KIDINS220: variants seen among roughly 807,000 people sequenced by gnomAD.
KIDINS220 encodes the protein kinase D-interacting substrate of 220 kDa.
KIDINS220 carries 63 observed loss-of-function variants against 157.6 expected under a neutral mutation model. That is an observed-to-expected ratio of 0.40 (90% confidence interval 0.33 to 0.49). The LOEUF (loss-of-function observed/expected upper bound fraction) is 0.49, where lower values mean the gene tolerates loss of function less well. Ranked by LOEUF, KIDINS220 falls within the 20% of genes least tolerant of loss-of-function variation. The pLI is 0.66. For synonymous variants in KIDINS220, 732 were observed against 783.6 expected (o/e 0.93, Z 1.10); for missense variants, 1,772 against 2,171.2 (o/e 0.82, Z 3.65).
In KIDINS220 at chr2:8,750,096, C is replaced by G; in HGVS notation, c.3414+16G>C. 1.3e-6 allele frequency: 2 copies of G among 1,599,876 alleles called. No homozygotes were observed. The highest frequency in any genetic ancestry group is 1.7e-6 in the Non-Finnish European group (2 of 1,169,874). On this transcript the variant is annotated intron_variant, in intron 24 of 29. Coordinates refer to ENST00000256707, the MANE Select transcript of KIDINS220 (RefSeq NM_020738.4). ...TAACAAATTCTTAAAAATAAAGCTG[C>G]CTCCAACTTCCTTACCCTGTTGTAG... is the stretch of plus-strand genomic sequence containing the variant.
At chr2:8,770,479 G>C (rs1670050687) in intron 22 of KIDINS220, among the ~76,000 whole-genome samples, 191 bp downstream of exon 22, 1 of 151,988 alleles carries the variant, frequency 6.6e-6, no homozygotes, top group Non-Finnish European at 1.5e-5. Context: ...TAAAGTCATA[G>C]ATTTTACATG....
intron 22 of KIDINS220, chr2:8,757,419 G>A: frequency 8.0e-7 from 1 of 1,247,612 alleles, no homozygotes; most frequent in Non-Finnish European, 1.0e-6. Context: ...CAGTCTTACA[G>A]CTTTAACCTT....
intron 8 of KIDINS220, among the ~76,000 whole-genome samples, chr2:8,800,955 C>A (rs939997970): frequency 6.6e-6 from 1 of 152,158 alleles, no homozygotes; most frequent in African/African-American, 2.4e-5. Context: ...AGTGAATCTA[C>A]AGCCACATTC....
chr2:8,805,964 C>T (rs551604492), intron 7 of KIDINS220, among the ~76,000 whole-genome samples: 4 of 152,118 alleles, frequency 2.6e-5, no homozygotes, highest in African/African-American at 2.4e-5. Context: ...TTTCTTAGAA[C>T]GTATCCCTGT....
At position 8,798,812 on chromosome 2, in the gene KIDINS220, C is replaced by T. The variant is rs186918281; in HGVS notation, c.901-512G>A. 1.1e-3 allele frequency among the ~76,000 whole-genome samples: 174 copies of T among 152,240 alleles called. 3 individuals are homozygous for T. The highest frequency in any genetic ancestry group is 1.2e-3 in the Non-Finnish European group (85 of 68,008). On this transcript the variant is annotated intron_variant, in intron 9 of 29. Coordinates refer to ENST00000256707, the MANE Select transcript of KIDINS220 (RefSeq NM_020738.4). ...CTTTAAAATCTTATCTAGCTCAAAA[C>T]CCAAAAATCAATCCACACAGACCTT...
chr2:8,722,621 T>C (rs928664891), downstream of KIDINS220: 4 of 152,200 alleles, frequency 2.6e-5, no homozygotes, highest in Non-Finnish European at 5.9e-5. Context: ...ATTATAAATA[T>C]TTATAAGCAA....
chr2:8,743,973 A>G (rs1665991555), intron 26 of KIDINS220, among the ~76,000 whole-genome samples: 1 of 151,176 alleles, frequency 6.6e-6, no homozygotes. Flanking sequence ...TTTTTTCTCT[A>G]TTATACAATT....
intron 8 of KIDINS220, 132 bp from the exon 9 acceptor site, chr2:8,800,630 G>A (rs907780647): frequency 9.4e-6 from 6 of 637,168 alleles, no homozygotes; most frequent in Non-Finnish European, 1.6e-5. Context: ...CTCTAAATAA[G>A]AGAAAAATGT....
At chr2:8,723,973 G>A (rs1481065288), downstream of KIDINS220, 1 of 152,358 alleles carries the variant, frequency 6.6e-6, no homozygotes, top group Non-Finnish European at 1.5e-5. Context: ...TTTGAGACAT[G>A]TTCTCGCTAT....
intron 1 of KIDINS220, among the ~76,000 whole-genome samples, chr2:8,835,868 G>T (rs1034230060): frequency 6.6e-6 from 1 of 152,040 alleles, no homozygotes; most frequent in Non-Finnish European, 1.5e-5. Flanking sequence ...GCAAAAGCAG[G>T]AAGAAGGGGA....
intron 2 of KIDINS220, among the ~76,000 whole-genome samples, chr2:8,824,514 C>T (rs910308417): frequency 2.0e-5 from 3 of 152,016 alleles, no homozygotes; most frequent in Admixed American, 6.5e-5. Context: ...AACCCCATCT[C>T]GACTAAGATA....
intron 17 of KIDINS220, among the ~76,000 whole-genome samples, chr2:8,784,010 A>T (rs186574623): frequency 6.6e-6 from 1 of 152,164 alleles, no homozygotes; most frequent in Non-Finnish European, 1.5e-5. Context: ...ACACTACCCA[A>T]CTTCAAGAAA....
intron 26 of KIDINS220, among the ~76,000 whole-genome samples, chr2:8,745,425 C>A (rs1666403807): frequency 6.6e-6 from 1 of 152,188 alleles, no homozygotes; most frequent in South Asian, 2.1e-4. Context: ...TTAAAATAAT[C>A]ATCAACCTCT....
intron 1 of KIDINS220, among the ~76,000 whole-genome samples, chr2:8,831,728 T>A (rs1435322065): frequency 6.6e-6 from 1 of 151,890 alleles, no homozygotes; most frequent in East Asian, 1.9e-4. Flanking sequence ...CAACAGGAGG[T>A]GAGAGAGAAA....
chr2:8,821,288 G>T (rs1485965735), intron 2 of KIDINS220, among the ~76,000 whole-genome samples: 1 of 151,834 alleles, frequency 6.6e-6, no homozygotes, highest in African/African-American at 2.4e-5. Context: ...GAAACTATTA[G>T]CTGTCCACCC....
chr2:8,754,625 C>T (rs1244502054), intron 22 of KIDINS220, among the ~76,000 whole-genome samples: 1 of 152,180 alleles, frequency 6.6e-6, no homozygotes, highest in African/African-American at 2.4e-5. Context: ...TTAATGCCAA[C>T]ATCAATGTAA....
intron 22 of KIDINS220, among the ~76,000 whole-genome samples, chr2:8,755,419 C>T (rs987651515): frequency 6.6e-6 from 1 of 152,212 alleles, no homozygotes; most frequent in Non-Finnish European, 1.5e-5. Flanking sequence ...AAACTGGGAA[C>T]AAGTTTAGTT....
chr2:8,748,123 GA>G (rs939649660), intron 24 of KIDINS220, 123 bp from the exon 25 acceptor site: 5 of 456,936 alleles, frequency 1.1e-5, no homozygotes, highest in East Asian at 3.6e-5. Context: ...CAAAACAAAA[GA>G]AAAAAAAGCC....
At chr2:8,765,635 G>A (rs1294049383) in intron 22 of KIDINS220, among the ~76,000 whole-genome samples, 3 of 152,154 alleles carry the variant, frequency 2.0e-5, no homozygotes, top group Non-Finnish European at 2.9e-5. Flanking sequence ...GACTGTAGGT[G>A]AGGTTATTTA....
Sources: gnomAD v4.1 joint callset for allele counts (sites outside exome capture counted in the v4.1 genomes callset) on GRCh38, gnomAD v4.1.1 for gene constraint, MANE v1.5 for transcripts, NCBI Gene and HGNC (gene_info 2026-07-23, HGNC 2026-07-21) for gene names.